Variants in ZNF831 observed in about 807,000 individuals in gnomAD.
ZNF831 encodes zinc finger protein 831.
In ZNF831, 59 loss-of-function variants were observed where a neutral mutation model predicts 95.8. That is an observed-to-expected ratio of 0.62 (90% CI 0.50 to 0.77). ZNF831 has a LOEUF of 0.77. Among genes scored for constraint, ZNF831 ranks in the 30% least tolerant of loss-of-function variants. ZNF831 has a pLI of 0.00. For missense variants in ZNF831, 2,205 were observed against 2,164.0 expected, an observed-to-expected ratio of 1.02 and a Z score of -0.38; for synonymous variants, 961 against 925.5, an observed-to-expected ratio of 1.04 and a Z score of -0.70.
At chr20:59,170,050 T>G (rs2146492340) in intron 1 of ZNF831, among the ~76,000 whole-genome samples, 1 of 152,278 alleles carries the variant, frequency 6.6e-6, no homozygotes, top group Admixed American at 6.5e-5. Context: ...TTATTATGCT[T>G]TCCTTTTACT....
At chr20:59,250,196 T>A (rs1987813343) in intron 4 of ZNF831, among the ~76,000 whole-genome samples, 1 of 152,186 alleles carries the variant, frequency 6.6e-6, no homozygotes, top group Non-Finnish European at 1.5e-5. Context: ...GGGGGACACT[T>A]GGCATAATTA....
chr20:59,193,424 C>A lies in ZNF831; in HGVS notation c.2405C>A (p.Ala802Asp), dbSNP rs2146583048. 1 of 1,599,110 alleles carries A rather than the reference C, an allele frequency of 6.3e-7. No individual in the cohort carries two copies. Among genetic ancestry groups the A allele is most frequent in the Non-Finnish European group, 8.5e-7 (1 of 1,173,280 alleles). ...GATGTTCAGGAGACCTGCCTGTGGG[C>A]CCAGACTGTCCTGAGATGGCCCAGC... Reference protein sequence around the residue: ...VGDVQETCLWAQTVLRWPSRG... With the variant: ...VGDVQETCLWDQTVLRWPSRG... The change falls in exon 2 of 6, where the codon GCC (alanine) becomes GAC (aspartate). Residue 802 changes from alanine (A) to aspartate (D), a missense_variant. By Grantham distance (126) the Ala-to-Asp change is moderately radical (BLOSUM62 -2). Transcript: ENST00000371030.
intron 4 of ZNF831, 106 bp downstream of exon 4, chr20:59,207,162 C>G: frequency 7.1e-7 from 1 of 1,398,936 alleles, no homozygotes; most frequent in Admixed American, 2.3e-5. Context: ...CCAAGTGCCA[C>G]AGGGGTCAGG....
intron 4 of ZNF831, among the ~76,000 whole-genome samples, chr20:59,250,643 C>G (rs184164777): frequency 6.6e-6 from 1 of 152,120 alleles, no homozygotes; most frequent in South Asian, 2.1e-4. Flanking sequence ...ACTTCAACAA[C>G]GACAACAACA....
intron 3 of ZNF831, among the ~76,000 whole-genome samples, chr20:59,206,240 T>C (rs1003391826): frequency 2.6e-5 from 4 of 152,076 alleles, no homozygotes; most frequent in African/African-American, 7.3e-5. Context: ...CTCTAGTGTT[T>C]TTCTTTCTCT....
intron 3 of ZNF831, among the ~76,000 whole-genome samples, chr20:59,205,149 T>C (rs1721401247): frequency 6.6e-6 from 1 of 152,178 alleles, no homozygotes; most frequent in African/African-American, 2.4e-5. Flanking sequence ...CACCTGCAAG[T>C]GTGTGGCAGC....
At chr20:59,130,773 C>T (rs1356694675) in intron 1 of ZNF831, among the ~76,000 whole-genome samples, 3 of 152,054 alleles carry the variant, frequency 2.0e-5, no homozygotes, top group Non-Finnish European at 4.4e-5. Context: ...CTGAATGGTT[C>T]TTGGGTGGGA....
At position 59,193,507 on chromosome 20, in the gene ZNF831, C is replaced by T. The variant is rs1468821225; in HGVS notation, c.2488C>T (p.Leu830=). 6 of 1,610,222 alleles carry T rather than the reference C, an allele frequency of 3.7e-6. No individual in the cohort carries two copies. The highest frequency in any genetic ancestry group is 5.1e-6 in the Non-Finnish European group (6 of 1,178,230). Residue 830 remains leucine, a synonymous_variant, in exon 2 of 6, where the codon CTG becomes TTG. Coordinates refer to ENST00000371030, the MANE Select transcript of ZNF831 (RefSeq NM_178457.3). The part of the protein sequence containing the change: ...SERKKLKVED[L]HSWKQPEPVS... ...GAGGAAGAAGCTGAAAGTGGAGGACCTGCACAGCTGGAAGCAACCAGAGCC... is the reference window on the plus strand; with the variant it reads ...GAGGAAGAAGCTGAAAGTGGAGGACTTGCACAGCTGGAAGCAACCAGAGCC...
chr20:59,132,365 T>C (rs1979375193), intron 1 of ZNF831, among the ~76,000 whole-genome samples: 1 of 151,862 alleles, frequency 6.6e-6, no homozygotes, highest in African/African-American at 2.4e-5. Context: ...TGTGTTTGAT[T>C]ATGTTGTCAG....
rs1985087123 is a variant in ZNF831, at chr20:59,208,805, C to A, written c.4027+1749C>A. Among the ~76,000 whole-genome samples the A allele has an allele frequency of 6.6e-6, 1 of 152,142 alleles. No individual in the cohort carries two copies. Among genetic ancestry groups the A allele is most frequent in the African/African-American group, 2.4e-5 (1 of 41,430 alleles). On this transcript the variant is annotated intron_variant, in intron 4 of 5. Coordinates refer to ENST00000371030, the MANE Select transcript of ZNF831 (RefSeq NM_178457.3). The surrounding 1 kb of genome is among the most constrained non-coding windows in gnomAD (Gnocchi z 4.2). ...TGAGACGCTGGCAGAGAGCTGGTAG[C>A]CCCCGCTACCTGGGAGGTTCTGATG...
At chr20:59,136,552 A>C (rs1327319787) in intron 1 of ZNF831, among the ~76,000 whole-genome samples, 2 of 152,178 alleles carry the variant, frequency 1.3e-5, no homozygotes, top group African/African-American at 4.8e-5. Flanking sequence ...CTGCACCTGC[A>C]TGTTCATGTT....
intron 1 of ZNF831, among the ~76,000 whole-genome samples, chr20:59,143,967 C>T (rs1031524067): frequency 6.6e-6 from 1 of 152,234 alleles, no homozygotes; most frequent in African/African-American, 2.4e-5. Context: ...CAGTGATTAT[C>T]CGCTGAGTGC....
intron 1 of ZNF831, among the ~76,000 whole-genome samples, chr20:59,134,186 G>C (rs1002961107): frequency 6.6e-6 from 1 of 152,198 alleles, no homozygotes; most frequent in Non-Finnish European, 1.5e-5. Flanking sequence ...GGCTGTAGCA[G>C]CCAGCAGATC....
chr20:59,182,135 G>A (rs1352079851), intron 1 of ZNF831, among the ~76,000 whole-genome samples: 2 of 152,216 alleles, frequency 1.3e-5, no homozygotes, highest in East Asian at 3.9e-4. Context: ...GCACCTCCCT[G>A]CTGCGTGGAT....
intron 4 of ZNF831, among the ~76,000 whole-genome samples, chr20:59,212,133 T>C (rs547581706): frequency 3.6e-4 from 55 of 152,350 alleles, no homozygotes; most frequent in South Asian, 6.2e-4. Flanking sequence ...TTGTCTTCTT[T>C]ATTTTTTGGA....
intron 2 of ZNF831, 52 bp downstream of exon 2, chr20:59,194,809 C>G (rs2146605200): frequency 1.3e-6 from 2 of 1,496,750 alleles, no homozygotes; most frequent in African/African-American, 2.8e-5. Context: ...ATGTTGTTAT[C>G]CCGTAAGACC....
At chr20:59,156,299 G>A (rs1980537149) in intron 2 of ZNF831, among the ~76,000 whole-genome samples, 2 of 152,192 alleles carry the variant, frequency 1.3e-5, no homozygotes, top group African/African-American at 4.8e-5. Context: ...GCTGAGGCGA[G>A]CGGATCACCT....
At position 59,194,403 on chromosome 20, in the gene ZNF831, C is replaced by G. The variant is rs763360552; in HGVS notation, c.3384C>G (p.Leu1128=). Residue 1128 remains leucine, a synonymous_variant, in exon 2 of 6, where the codon CTC becomes CTG. Transcript: ENST00000371030. ...TGGGCCCCGACCCGTGTTCCCCCCTCCAGCCTGGCTCCTTCCTCACTGCCC... is the reference window on the plus strand; with the variant it reads ...TGGGCCCCGACCCGTGTTCCCCCCTGCAGCCTGGCTCCTTCCTCACTGCCC... ...PLVGPDPCSP[L]QPGSFLTALT... is the part of the protein sequence containing the mutation. 1 of 1,610,242 alleles carries G rather than the reference C, an allele frequency of 6.2e-7. No homozygotes were observed. Among genetic ancestry groups the G allele is most frequent in the Non-Finnish European group, 8.5e-7 (1 of 1,178,240 alleles).
intron 1 of ZNF831, among the ~76,000 whole-genome samples, chr20:59,180,116 G>A (rs1207499447): frequency 2.6e-5 from 4 of 152,128 alleles, no homozygotes; most frequent in Non-Finnish European, 5.9e-5. Flanking sequence ...TTGAGACAGA[G>A]TGTCACTCTC....
Sources: gnomAD v4.1 joint callset for allele counts (sites outside exome capture counted in the v4.1 genomes callset) on GRCh38, gnomAD v4.1.1 for gene constraint, Gnocchi (gnomAD v3.1) non-coding constraint, MANE v1.5 for transcripts, NCBI Gene and HGNC (gene_info 2026-07-23, HGNC 2026-07-21) for gene names.